Variants in SGF29 observed in about 807,000 individuals in gnomAD.
SGF29 encodes the protein SAGA-associated factor 29.
A neutral mutation model predicts 38.1 loss-of-function variants in SGF29; 15 were observed. The ratio of observed to expected loss-of-function variants is 0.39; its 90% confidence interval spans 0.26 to 0.61. The LOEUF (loss-of-function observed/expected upper bound fraction) is 0.61. Ranked by LOEUF, SGF29 falls within the 20% of genes least tolerant of loss-of-function variation. The pLI, the probability that SGF29 is intolerant of heterozygous loss-of-function variation, is 0.49. For missense variants in SGF29, 184 were observed against 394.6 expected, an observed-to-expected ratio of 0.47 and a Z score of 4.52; for synonymous variants, 151 against 160.8, an observed-to-expected ratio of 0.94 and a Z score of 0.46.
intron 4 of SGF29, 66 bp downstream of exon 4, chr16:28,585,786 T>C (rs2046953444): frequency 1.4e-6 from 2 of 1,445,026 alleles, no homozygotes; most frequent in Non-Finnish European, 1.9e-6. Flanking sequence ...GCAGGTCCAT[T>C]TGGACCAAGT....
At chr16:28,576,488 G>A (rs1596603179) in intron 1 of SGF29, among the ~76,000 whole-genome samples, 1 of 152,004 alleles carries the variant, frequency 6.6e-6, no homozygotes, top group East Asian at 1.9e-4. Context: ...ATCACCTAAG[G>A]TCAGGAGTTT....
chr16:28,569,243 C>G (rs2046851017), intron 1 of SGF29, among the ~76,000 whole-genome samples: 1 of 152,152 alleles, frequency 6.6e-6, no homozygotes, highest in African/African-American at 2.4e-5. Flanking sequence ...GGTGGCATGG[C>G]TTCTCTTGAC....
chr16:28,568,313 C>CAAAAAAAAAA, intron 1 of SGF29, among the ~76,000 whole-genome samples: 1 of 54,292 alleles, frequency 1.8e-5, no homozygotes, highest in Non-Finnish European at 3.2e-5. Context: ...AACTCCATCT[C>CAAAAAAAAAA]AAAAAAAAAA....
At chr16:28,578,662 G>A (rs1364904561) in intron 1 of SGF29, among the ~76,000 whole-genome samples, 1 of 144,720 alleles carries the variant, frequency 6.9e-6, no homozygotes, top group African/African-American at 2.6e-5. Context: ...GTGAGTAGGA[G>A]GATGTGTTAG....
In SGF29 at chr16:28,582,295, C is replaced by T. The variant is rs188876439; in HGVS notation, c.75+1151C>T. 5.9e-5 allele frequency among the ~76,000 whole-genome samples: 9 copies of T among 152,130 alleles called. 1 individual carries two copies. The East Asian group carries it at 1.7e-3, about 29-fold the overall frequency. Reference sequence around the variant, plus strand: ...GTGAAAGGATGAGCGGTAGCCAGGGCCTTGGGAGAGATAGGATGAAAGGGA... The same window carrying T: ...GTGAAAGGATGAGCGGTAGCCAGGGTCTTGGGAGAGATAGGATGAAAGGGA... On this transcript the variant is annotated intron_variant, in intron 2 of 9. Transcript: ENST00000317058.
Position 28,557,805 on chromosome 16 carries a change from A to G in SGF29, c.-16+3708A>G, listed in dbSNP as rs1448773248. Among the ~76,000 whole-genome samples, 6 of 152,128 alleles carry G rather than the reference A, an allele frequency of 3.9e-5. No individual in the cohort carries two copies. The South Asian group carries it at 1.0e-3, about 26-fold the overall frequency. On this transcript the variant is annotated intron_variant, in intron 1 of 9. Transcript: ENST00000317058. ...AATCTCCACACATTTGGCCACGGAA[A>G]TCTTATGTGTTGATTATCCTATATT... is the stretch of plus-strand genomic sequence containing the variant.
intron 1 of SGF29, among the ~76,000 whole-genome samples, chr16:28,580,639 T>A (rs1027961156): frequency 6.6e-6 from 1 of 152,290 alleles, no homozygotes; most frequent in East Asian, 1.9e-4. Flanking sequence ...CCAAACAAGG[T>A]GACATTACAG....
At chr16:28,572,703 A>G (rs2046871960) in intron 1 of SGF29, among the ~76,000 whole-genome samples, 1 of 152,196 alleles carries the variant, frequency 6.6e-6, no homozygotes, top group African/African-American at 2.4e-5. Flanking sequence ...CTTTGCAGGT[A>G]GGAGTGGGCA....
At chr16:28,585,619 G>A (rs1477359547) in intron 3 of SGF29, 29 bp from the exon 4 acceptor site, 1 of 1,605,538 alleles carries the variant, frequency 6.2e-7, no homozygotes, top group Non-Finnish European at 8.5e-7. Flanking sequence ...CCCTGGCCCT[G>A]CCTCCTTATC....
intron 1 of SGF29, among the ~76,000 whole-genome samples, chr16:28,564,618 TATATGC>T (rs2046815484): frequency 7.7e-6 from 1 of 129,646 alleles, no homozygotes; most frequent in African/African-American, 3.0e-5. Context: ...TATATATACA[TATATGC>T]ATATATATAC....
chr16:28,588,608 A>G (rs1166908438), intron 4 of SGF29: 2 of 430,712 alleles, frequency 4.6e-6, no homozygotes, highest in African/African-American at 4.2e-5. Context: ...CTTTTTGCCC[A>G]GGTTGGAGTG....
At chr16:28,591,022 C>T in intron 9 of SGF29, 87 bp downstream of exon 9, 1 of 1,442,656 alleles carries the variant, frequency 6.9e-7, no homozygotes, top group Non-Finnish European at 9.2e-7. Flanking sequence ...CACTCCTTCC[C>T]TTTGTCCTCA....
At chr16:28,554,314 G>A (rs919888219) in intron 1 of SGF29, among the ~76,000 whole-genome samples, 2 of 151,484 alleles carry the variant, frequency 1.3e-5, no homozygotes, top group African/African-American at 4.9e-5. Flanking sequence ...GCGCCCGGCC[G>A]CTCGAGGTCT....
chr16:28,580,739 A>G (rs2046920203), intron 1 of SGF29, among the ~76,000 whole-genome samples: 1 of 152,134 alleles, frequency 6.6e-6, no homozygotes, highest in African/African-American at 2.4e-5. Flanking sequence ...CTGGAGTGCA[A>G]TGGCACGATC....
Position 28,564,756 on chromosome 16 carries a change from T to TATATATATACATATATATAC in SGF29, c.-16+10665_-16+10666insATACATATATATACATATAT, listed in dbSNP as rs1567286174. Among the ~76,000 whole-genome samples the TATATATATACATATATATAC allele has an allele frequency of 3.2e-3, 241 of 76,122 alleles. 3 individuals carry two copies. The highest frequency in any genetic ancestry group is 5.2e-3 in the Non-Finnish European group (208 of 40,176). The allele number at this position is 76,122 out of a possible 152,430, so 49.9% of individuals were successfully genotyped here. A position where few individuals can be genotyped will look rare whatever the true frequency, so the allele number is the denominator to read the frequency against. On this transcript the variant is annotated intron_variant, in intron 1 of 9. Coordinates refer to ENST00000317058, the MANE Select transcript of SGF29 (RefSeq NM_138414.3). ...ATATATGTATATATGTATATATATG[T>TATATATATACATATATATAC]ATATATGTATATATATGTATATATA...
intron 1 of SGF29, among the ~76,000 whole-genome samples, chr16:28,564,525 G>A (rs1168842874): frequency 2.8e-3 from 288 of 103,134 alleles, no homozygotes; most frequent in African/African-American, 9.0e-3. Flanking sequence ...ATATATGTGT[G>A]TGTATATATA....
In SGF29 at chr16:28,581,050, A is replaced by G. The variant is rs779079623; in HGVS notation, c.-15-5A>G. On this transcript the variant is annotated splice_region_variant and splice_polypyrimidine_tract_variant and intron_variant, in intron 1 of 9. Coordinates refer to ENST00000317058, the MANE Select transcript of SGF29 (RefSeq NM_138414.3). Reference sequence around the variant, plus strand: ...AGTTCTCTTCTGTCCTCGCTCCCCCACCAGGTGCCCCTGTAGACAATGGCC... The same window carrying G: ...AGTTCTCTTCTGTCCTCGCTCCCCCGCCAGGTGCCCCTGTAGACAATGGCC... 1 of 1,611,370 alleles carries G rather than the reference A, an allele frequency of 6.2e-7. No individual in the cohort carries two copies. Among genetic ancestry groups the G allele is most frequent in the Admixed American group, 1.7e-5 (1 of 59,788 alleles).
chr16:28,564,685 G>GTATATATATGTATATATATATACATA (rs1434333961), intron 1 of SGF29, among the ~76,000 whole-genome samples: 1 of 71,188 alleles, frequency 1.4e-5, no homozygotes, highest in Non-Finnish European at 2.7e-5. Context: ...GTATATATAT[G>GTATATATATGTATATATATATACATA]TGTATATATA....
At position 28,590,585 on chromosome 16, in the gene SGF29, A is replaced by G. The variant is rs1567293892; in HGVS notation, c.567-46A>G. ...CCCCCATCCTCACTCCCCAACAGGT[A>G]CTGCGCCCCTGGCTGCATCCAGCCT... On this transcript the variant is annotated intron_variant, in intron 7 of 9. Coordinates refer to ENST00000317058, the MANE Select transcript of SGF29 (RefSeq NM_138414.3). This position sits in a 1 kb window ranked among gnomAD's most constrained non-coding sequence, Gnocchi z 8.2. The G allele has an allele frequency of 1.2e-6, 2 of 1,612,820 alleles. No homozygotes were observed. The highest frequency in any genetic ancestry group is 2.2e-5 in the South Asian group (2 of 91,030).
Sources: allele counts gnomAD v4.1 joint callset (sites outside exome capture counted in the v4.1 genomes callset), GRCh38; gene constraint gnomAD v4.1.1; non-coding constraint Gnocchi (gnomAD v3.1); transcripts MANE v1.5; gene names NCBI Gene and HGNC (gene_info 2026-07-23, HGNC 2026-07-21).